GRM5: variants seen among roughly 807,000 people sequenced by gnomAD.
GRM5 encodes the protein glutamate metabotropic receptor 5, also known as metabotropic glutamate receptor 5.
GRM5 carries 19 observed loss-of-function variants against 83.1 expected under a neutral mutation model. The ratio of observed to expected loss-of-function variants is 0.23; its 90% CI spans 0.16 to 0.34. GRM5 has a LOEUF of 0.34. GRM5 is among the 10% of genes least tolerant of loss of function. GRM5 has a pLI of 1.00. For synonymous variants in GRM5, 675 were observed against 633.6 expected (o/e 1.07, Z -0.98); for missense variants, 1,160 against 1,588.3 (o/e 0.73, Z 4.58).
intron 2 of GRM5, among the ~76,000 whole-genome samples, chr11:88,855,528 A>G (rs1944459503): frequency 6.6e-6 from 1 of 151,896 alleles, no homozygotes; most frequent in Admixed American, 6.6e-5. Flanking sequence ...AAAAGTTTAT[A>G]ATTGTGGATC....
intron 2 of GRM5, among the ~76,000 whole-genome samples, chr11:88,963,565 G>A (rs538007642): frequency 6.6e-6 from 1 of 152,304 alleles, no homozygotes; most frequent in Non-Finnish European, 1.5e-5. Flanking sequence ...TGTAGATAAA[G>A]CAACCTGGTA....
rs71464050 is a variant in GRM5, at chr11:89,064,888, C to CTG, written c.-201+886_-201+887dup. On this transcript the variant is annotated intron_variant, in intron 1 of 9. Coordinates refer to ENST00000305447, the MANE Select transcript of GRM5 (RefSeq NM_001143831.3). Reference sequence around the variant, plus strand: ...TCTCTCTCTCTCTCTCTCTCTCTCTCTGTGTGTGTGTGTGTGTGTGTGTGT... The same window carrying CTG: ...TCTCTCTCTCTCTCTCTCTCTCTCTCTGTGTGTGTGTGTGTGTGTGTGTGTGT... Among the ~76,000 whole-genome samples, 191 of 62,250 alleles carry CTG rather than the reference C, an allele frequency of 3.1e-3. 3 individuals carry two copies. The highest frequency in any genetic ancestry group is 4.7e-3 in the Non-Finnish European group (154 of 32,444). The allele number at this position is 62,250 out of a possible 152,430, so 40.8% of individuals were successfully genotyped here.
intron 3 of GRM5, among the ~76,000 whole-genome samples, chr11:88,762,931 A>C (rs368733712): frequency 1.9e-4 from 29 of 152,110 alleles, no homozygotes; most frequent in African/African-American, 6.3e-4. Context: ...CAGAAAACCA[A>C]ATACTGCATG....
chr11:89,046,399 G>A (rs1182194155), intron 2 of GRM5, among the ~76,000 whole-genome samples: 9 of 151,588 alleles, frequency 5.9e-5, no homozygotes, highest in Admixed American at 3.3e-4. Context: ...AAGAAGAGCT[G>A]CATAACAAGC....
At chr11:88,616,892 G>A (rs1453592146) in intron 4 of GRM5, among the ~76,000 whole-genome samples, 2 of 152,096 alleles carry the variant, frequency 1.3e-5, no homozygotes, top group Admixed American at 6.6e-5. Context: ...AGGACACTGT[G>A]GGCTCCCTAG....
rs1944083966 is a variant in GRM5 at position 88,835,816 on chromosome 11, A to C, written c.911+14090T>G. The stretch of plus-strand genomic sequence containing the variant: ...TAGCACATTCTTTTATTTTAGGTAA[A>C]ATTAAATCACTTTGGGTTGAATGAG... On this transcript the variant is annotated intron_variant, in intron 3 of 9. Coordinates refer to ENST00000305447, the MANE Select transcript of GRM5 (RefSeq NM_001143831.3). 2.0e-5 allele frequency among the ~76,000 whole-genome samples: 3 copies of C among 152,210 alleles called. No homozygotes were observed. In the South Asian group the frequency reaches 6.2e-4, roughly 31 times the overall value.
At chr11:88,900,991 G>A (rs1356166103) in intron 2 of GRM5, among the ~76,000 whole-genome samples, 2 of 152,102 alleles carry the variant, frequency 1.3e-5, no homozygotes, top group African/African-American at 2.4e-5. Flanking sequence ...TTTTGTTAAA[G>A]GTAAAGCAGG....
Position 88,645,964 on chromosome 11 carries a change from T to C in GRM5, c.1147+7204A>G, listed in dbSNP as rs1939432967. On this transcript the variant is annotated intron_variant, in intron 4 of 9. Transcript: ENST00000305447. ...GTGTATCATTTACTTCAACTGGGGA[T>C]ATAAAAAGGAGGAACCTAAAGTTTG... 2.0e-5 allele frequency among the ~76,000 whole-genome samples: 3 copies of C among 152,200 alleles called. No individual in the cohort carries two copies. The South Asian group carries it at 6.2e-4, about 32-fold the overall frequency.
At chr11:88,670,675 A>G (rs750003903) in intron 3 of GRM5, among the ~76,000 whole-genome samples, 1 of 152,138 alleles carries the variant, frequency 6.6e-6, no homozygotes, top group Non-Finnish European at 1.5e-5. Context: ...ACAAAATATG[A>G]TTTGAAATGA....
intron 3 of GRM5, among the ~76,000 whole-genome samples, chr11:88,711,146 A>G (rs1205527156): frequency 6.6e-6 from 1 of 152,090 alleles, no homozygotes; most frequent in Admixed American, 6.6e-5. Context: ...AATGGCCTTG[A>G]AGAGACCCAG....
intron 7 of GRM5, among the ~76,000 whole-genome samples, chr11:88,581,843 C>T (rs1943217708): frequency 6.6e-6 from 1 of 152,202 alleles, no homozygotes; most frequent in African/African-American, 2.4e-5. Flanking sequence ...GACACACATA[C>T]ATTCCTTAGA....
intron 2 of GRM5, among the ~76,000 whole-genome samples, chr11:88,995,516 GC>G (rs1940154830): frequency 8.1e-6 from 1 of 124,118 alleles, no homozygotes. Context: ...CTGCACTCCA[GC>G]CTGGCAACAA....
chr11:88,918,976 C>T (rs889579995), intron 2 of GRM5, among the ~76,000 whole-genome samples: 2 of 149,740 alleles, frequency 1.3e-5, no homozygotes, highest in African/African-American at 4.9e-5. Context: ...ACAGGAAGGA[C>T]AGAAGGAAGA....
chr11:88,756,992 T>C (rs1942407224), intron 3 of GRM5, among the ~76,000 whole-genome samples: 1 of 152,048 alleles, frequency 6.6e-6, no homozygotes, highest in Non-Finnish European at 1.5e-5. Context: ...TACATTAAAA[T>C]CAAACTTTTT....
intron 2 of GRM5, among the ~76,000 whole-genome samples, chr11:88,886,883 G>A (rs547979873): frequency 6.6e-5 from 10 of 152,248 alleles, no homozygotes; most frequent in Non-Finnish European, 1.3e-4. Context: ...TATAGCTCAA[G>A]GGAAGGCATC....
chr11:88,958,243 T>TTA (rs887943857), intron 2 of GRM5, among the ~76,000 whole-genome samples: 2,103 of 149,046 alleles, frequency 0.014, 63 homozygotes, highest in African/African-American at 0.049. Context: ...CAAAAATATT[T>TTA]TATATATATA....
At chr11:88,608,998 C>T (rs1329855401) in intron 4 of GRM5, among the ~76,000 whole-genome samples, 1 of 152,026 alleles carries the variant, frequency 6.6e-6, no homozygotes, top group Non-Finnish European at 1.5e-5. Context: ...CATTTTCTTC[C>T]TCTTACTTTT....
chr11:89,009,379 T>C (rs1478196735), intron 2 of GRM5, among the ~76,000 whole-genome samples: 2 of 152,188 alleles, frequency 1.3e-5, no homozygotes, highest in African/African-American at 2.4e-5. Context: ...AGCTTTATTT[T>C]AACCACTAAT....
chr11:89,059,807 A>G (rs190849534), intron 1 of GRM5, among the ~76,000 whole-genome samples: 8 of 152,190 alleles, frequency 5.3e-5, no homozygotes, highest in Non-Finnish European at 1.2e-4. Flanking sequence ...AAAATGGGAT[A>G]CATGTGCAGA....
Sources: gnomAD v4.1 joint callset for allele counts (sites outside exome capture counted in the v4.1 genomes callset) on GRCh38, gnomAD v4.1.1 for gene constraint, MANE v1.5 for transcripts, NCBI Gene and HGNC (gene_info 2026-07-23, HGNC 2026-07-21) for gene names.